The following LMO2 variants were observed in gnomAD, a reference collection of about 807,000 sequenced individuals.
LMO2 encodes rhombotin-2.
A neutral mutation model predicts 23.2 loss-of-function variants in LMO2; 20 were observed. The ratio of observed to expected loss-of-function variants is 0.86; its 90% CI spans 0.61 to 1.25. The LOEUF is 1.25. Ranked by LOEUF, LMO2 falls within the 50% of genes most tolerant of loss-of-function variation. LMO2 has a pLI of 0.00. For synonymous variants in LMO2, 123 were observed against 130.2 expected (o/e 0.94, Z 0.38); for missense variants, 270 against 315.3 (o/e 0.86, Z 1.09).
At chr11:33,867,911 C>G (rs1295222552) in intron 4 of LMO2, among the ~76,000 whole-genome samples, 2 of 152,212 alleles carry the variant, frequency 1.3e-5, no homozygotes, top group Non-Finnish European at 2.9e-5. Flanking sequence ...TATTGTGTTA[C>G]TATGATCTTG....
intron 2 of LMO2, among the ~76,000 whole-genome samples, chr11:33,874,020 G>A (rs1328703033): frequency 6.6e-6 from 1 of 151,750 alleles, no homozygotes. Flanking sequence ...CATATGCTTT[G>A]TCACTTGTGA....
chr11:33,860,363 T>G (rs1362153298), intron 5 of LMO2, among the ~76,000 whole-genome samples: 3 of 152,194 alleles, frequency 2.0e-5, no homozygotes, highest in Non-Finnish European at 4.4e-5. Flanking sequence ...CAGGCAGTAT[T>G]CAGTGTCAAG....
intron 1 of LMO2, among the ~76,000 whole-genome samples, chr11:33,884,830 A>G (rs1174556153): frequency 6.6e-6 from 1 of 152,232 alleles, no homozygotes; most frequent in Non-Finnish European, 1.5e-5. Flanking sequence ...CTGGCATATC[A>G]TCTGGAGCTA....
intron 4 of LMO2, 28 bp downstream of exon 4, chr11:33,869,318 G>A (rs1272077892): frequency 3.4e-6 from 4 of 1,166,696 alleles, no homozygotes; most frequent in Middle Eastern, 3.5e-4. Flanking sequence ...GACACCGGGG[G>A]TGGCAGGGGC....
At chr11:33,881,321 C>T (rs1441856201) in intron 2 of LMO2, 6 of 456,642 alleles carry the variant, frequency 1.3e-5, no homozygotes, top group Middle Eastern at 3.2e-4. Context: ...GTATTTCCTG[C>T]GTGGCCCTCC....
In LMO2 at chr11:33,869,587, CT is replaced by C; in HGVS notation, c.8-2del. 7.7e-7 allele frequency: 1 copy of C among 1,297,860 alleles called. No homozygotes were observed. The highest frequency in any genetic ancestry group is 2.0e-5 in the South Asian group (1 of 49,726). 80.4% of individuals were successfully genotyped at this position (1,297,860 alleles called of 1,614,324 possible). A position where few individuals can be genotyped will look rare whatever the true frequency, so the allele number is the denominator to read the frequency against. On this transcript the variant is annotated splice_acceptor_variant, in intron 3 of 5. Coordinates refer to ENST00000257818, the MANE Select transcript of LMO2 (RefSeq NM_005574.4). LOFTEE classifies it high-confidence loss of function. ...CGCTCAAGGACAGTCACCGCGCTCC[CT>C]TCAAACGCCAAAGAGAGAGAGCGAA...
intron 5 of LMO2, among the ~76,000 whole-genome samples, chr11:33,861,160 T>G (rs183454684): frequency 6.6e-6 from 1 of 152,262 alleles, no homozygotes; most frequent in South Asian, 2.1e-4. Context: ...CTTGGGTGTA[T>G]TCCCAGCTGT....
intron 5 of LMO2, among the ~76,000 whole-genome samples, chr11:33,859,983 G>C (rs765225678): frequency 6.6e-6 from 1 of 152,162 alleles, no homozygotes; most frequent in Non-Finnish European, 1.5e-5. Flanking sequence ...GGGCCCCTTT[G>C]AGAGGGTACT....
At chr11:33,868,559 C>T (rs2133696625) in intron 4 of LMO2, among the ~76,000 whole-genome samples, 1 of 152,328 alleles carries the variant, frequency 6.6e-6, no homozygotes, top group East Asian at 1.9e-4. Context: ...ACATTCCAAA[C>T]CAGTACGCGG....
chr11:33,881,657 G>A (rs1029422085), intron 2 of LMO2, 167 bp downstream of exon 2: 8 of 334,300 alleles, frequency 2.4e-5, no homozygotes, highest in Non-Finnish European at 4.7e-5. Context: ...TTACAATTCC[G>A]CATTTTGTAA....
At chr11:33,872,814 G>A (rs1377482858) in intron 2 of LMO2, among the ~76,000 whole-genome samples, 2 of 152,176 alleles carry the variant, frequency 1.3e-5, no homozygotes, top group Non-Finnish European at 2.9e-5. Flanking sequence ...AGGCTGGAGT[G>A]CAATGGTGCG....
intron 1 of LMO2, among the ~76,000 whole-genome samples, chr11:33,885,565 C>G (rs1857385812): frequency 2.0e-5 from 3 of 152,344 alleles, no homozygotes; most frequent in Non-Finnish European, 1.5e-5. Context: ...CGGAGATAGC[C>G]TTAGGCAGTA....
At chr11:33,865,628 GA>G (rs1480448441) in intron 4 of LMO2, among the ~76,000 whole-genome samples, 1 of 152,192 alleles carries the variant, frequency 6.6e-6, no homozygotes, top group Non-Finnish European at 1.5e-5. Context: ...ATTTGAGGAA[GA>G]AAATGAAGTG....
chr11:33,868,489 A>G (rs1172150104), intron 4 of LMO2, among the ~76,000 whole-genome samples: 3 of 152,196 alleles, frequency 2.0e-5, no homozygotes, highest in South Asian at 2.1e-4. Context: ...CAGGAAAATG[A>G]TATCTTAAAC....
At chr11:33,872,264 C>T (rs934639488) in intron 2 of LMO2, among the ~76,000 whole-genome samples, 1 of 152,198 alleles carries the variant, frequency 6.6e-6, no homozygotes, top group Non-Finnish European at 1.5e-5. Flanking sequence ...GCACTCCAGC[C>T]TGGGTGACAG....
chr11:33,889,069 C>T (rs1857482136), intron 1 of LMO2, among the ~76,000 whole-genome samples: 2 of 152,096 alleles, frequency 1.3e-5, no homozygotes, highest in Admixed American at 6.5e-5. Context: ...GAAAATGGAT[C>T]TTTAATAAAC....
intron 2 of LMO2, 23 bp from the exon 3 acceptor site, chr11:33,870,010 A>G: frequency 1.0e-6 from 1 of 954,850 alleles, no homozygotes; most frequent in Non-Finnish European, 1.3e-6. Context: ...CAAATACAAT[A>G]GAAGGAAATC....
intron 1 of LMO2, among the ~76,000 whole-genome samples, chr11:33,884,224 C>G (rs1275884789): frequency 6.6e-6 from 1 of 151,918 alleles, no homozygotes. Context: ...TGGGGACCTA[C>G]GTAGATATAG....
intron 5 of LMO2, among the ~76,000 whole-genome samples, chr11:33,862,429 A>C (rs1405074532): frequency 1.3e-5 from 2 of 152,226 alleles, no homozygotes; most frequent in Admixed American, 1.3e-4. Context: ...AAAGGGATCC[A>C]AGGAGATCTG....
Sources: allele counts gnomAD v4.1 joint callset (sites outside exome capture counted in the v4.1 genomes callset), GRCh38; gene constraint gnomAD v4.1.1; transcripts MANE v1.5; gene names NCBI Gene and HGNC (gene_info 2026-07-23, HGNC 2026-07-21).